Variants in PHF24 observed in about 807,000 individuals in gnomAD.
PHF24 encodes Galpha inhibitory interacting protein.
In PHF24, 25 loss-of-function variants were observed where a neutral mutation model predicts 42.6. The observed-to-expected ratio is 0.59, with a 90% CI of 0.43 to 0.82. The LOEUF (loss-of-function observed/expected upper bound fraction) is 0.82, where lower values mean the gene tolerates loss of function less well. PHF24 is among the 40% of genes least tolerant of loss of function. The pLI, the probability that PHF24 is intolerant of heterozygous loss-of-function variation, is 0.00. For synonymous variants in PHF24, 185 were observed against 204.8 expected, an observed-to-expected ratio of 0.90 and a Z score of 0.83; for missense variants, 470 against 538.1, an observed-to-expected ratio of 0.87 and a Z score of 1.25.
At chr9:34,723,477 C>G in the PHF24 span, 1 of 1,551,820 alleles carries the variant, frequency 6.4e-7, no homozygotes, top group Non-Finnish European at 8.7e-7. Context: ...TTGGCTGGAG[C>G]CAGGCTCTTT....
chr9:34,885,634 C>T, the PHF24 span, among the ~76,000 whole-genome samples: 8 of 152,162 alleles, frequency 5.3e-5, no homozygotes, highest in Non-Finnish European at 8.8e-5. Context: ...ACTTCTCCCA[C>T]CCAGATAGCC....
At chr9:34,810,695 C>T in the PHF24 span, among the ~76,000 whole-genome samples, 1 of 152,210 alleles carries the variant, frequency 6.6e-6, no homozygotes, top group Non-Finnish European at 1.5e-5. Flanking sequence ...CCTTTATCTC[C>T]CTATAGGCCT....
the PHF24 span, among the ~76,000 whole-genome samples, chr9:34,716,084 T>TGC: frequency 1.3e-5 from 2 of 152,188 alleles, no homozygotes; most frequent in African/African-American, 4.8e-5. Context: ...CTGGGTGCGT[T>TGC]GCTGCTCCTG....
the PHF24 span, among the ~76,000 whole-genome samples, chr9:34,839,080 G>GT: frequency 1.3e-5 from 2 of 152,184 alleles, no homozygotes; most frequent in Admixed American, 1.3e-4. Context: ...CAAGGTGGCC[G>GT]TATCTATCCA....
At chr9:34,709,699 GT>G in the PHF24 span, 1 of 1,613,640 alleles carries the variant, frequency 6.2e-7, no homozygotes, top group Non-Finnish European at 8.5e-7. Context: ...GTGGGGGCTA[GT>G]AAGCCTTCTT....
chr9:34,835,565 T>A, the PHF24 span: 8 of 1,551,678 alleles, frequency 5.2e-6, no homozygotes, highest in Non-Finnish European at 6.1e-6. Context: ...TTGGTTTCCC[T>A]GGACAAGGCT....
the PHF24 span, among the ~76,000 whole-genome samples, chr9:34,817,546 G>C: frequency 2.0e-5 from 3 of 152,084 alleles, no homozygotes; most frequent in African/African-American, 7.2e-5. Context: ...TTTTGTGGGA[G>C]TTGTTTGTTT....
chr9:34,818,407 G>A, the PHF24 span, among the ~76,000 whole-genome samples: 1 of 152,124 alleles, frequency 6.6e-6, no homozygotes, highest in Non-Finnish European at 1.5e-5. Flanking sequence ...TTTGTCAAAT[G>A]TATTTTCTGC....
chr9:34,838,321 GT>G, the PHF24 span: 11 of 741,726 alleles, frequency 1.5e-5, no homozygotes, highest in South Asian at 1.3e-4. Context: ...GGCTTAATTA[GT>G]TCAGTTGGAA....
chr9:34,752,088 C>T, the PHF24 span, among the ~76,000 whole-genome samples: 1 of 151,912 alleles, frequency 6.6e-6, no homozygotes, highest in Non-Finnish European at 1.5e-5. Context: ...TTAGTGCCTA[C>T]ATCAAAAAAG....
chr9:34,980,869 T>C (rs976885447), exon 8 of PHF24: 2 of 152,226 alleles, frequency 1.3e-5, no homozygotes, highest in African/African-American at 4.8e-5. Context: ...TGAAGCCCAC[T>C]TGCCCTAAGC....
At chr9:34,897,067 A>T in the PHF24 span, among the ~76,000 whole-genome samples, 1 of 152,220 alleles carries the variant, frequency 6.6e-6, no homozygotes, top group South Asian at 2.1e-4. Context: ...GAAGCAGGAG[A>T]ATCGCTTGAA....
the PHF24 span, among the ~76,000 whole-genome samples, chr9:34,669,331 A>T: frequency 6.6e-6 from 1 of 151,944 alleles, no homozygotes; most frequent in Non-Finnish European, 1.5e-5. Flanking sequence ...CTGCACATTG[A>T]TCCCTGCCAT....
At chr9:34,946,079 T>C in the PHF24 span, among the ~76,000 whole-genome samples, 1 of 152,238 alleles carries the variant, frequency 6.6e-6, no homozygotes, top group Non-Finnish European at 1.5e-5. Flanking sequence ...GCCAGTACTA[T>C]GCTCTGCAGT....
At chr9:34,913,641 A>G in the PHF24 span, among the ~76,000 whole-genome samples, 1 of 152,232 alleles carries the variant, frequency 6.6e-6, no homozygotes, top group Non-Finnish European at 1.5e-5. Context: ...AGGGTTCAGC[A>G]AACCCTGACA....
At chr9:34,675,265 T>G in the PHF24 span, among the ~76,000 whole-genome samples, 1 of 152,074 alleles carries the variant, frequency 6.6e-6, no homozygotes, top group African/African-American at 2.4e-5. Context: ...TGGCCTGGAC[T>G]CTCAACCTCA....
chr9:34,978,125 A>G, exon 8 of PHF24: 1 of 1,603,926 alleles, frequency 6.2e-7, no homozygotes, highest in South Asian at 1.1e-5. Flanking sequence ...GGAGCAGAGA[A>G]GCTCGGTTTG....
chr9:34,745,594 A>G, the PHF24 span, among the ~76,000 whole-genome samples: 1 of 151,690 alleles, frequency 6.6e-6, no homozygotes, highest in African/African-American at 2.4e-5. Flanking sequence ...TCCATGAGAA[A>G]AAAGACCAGA....
the PHF24 span, among the ~76,000 whole-genome samples, chr9:34,855,115 C>T: frequency 3.9e-5 from 6 of 152,022 alleles, no homozygotes; most frequent in South Asian, 6.2e-4. Flanking sequence ...TTTCTGTTTT[C>T]CATTTGCTTG....
Sources: allele counts gnomAD v4.1 joint callset (sites outside exome capture counted in the v4.1 genomes callset), GRCh38; gene constraint gnomAD v4.1.1; transcripts MANE v1.5; gene names NCBI Gene and HGNC (gene_info 2026-07-23, HGNC 2026-07-21).